NDUFA5: variants seen among roughly 807,000 people sequenced by gnomAD.
NDUFA5 encodes NADH dehydrogenase [ubiquinone] 1 alpha subcomplex subunit 5.
NDUFA5 carries 11 observed loss-of-function variants against 19.8 expected under a neutral mutation model. That is an observed-to-expected ratio of 0.56 (90% CI 0.35 to 0.92). NDUFA5 has a LOEUF of 0.92. Among genes scored for constraint, NDUFA5 ranks in the 40% least tolerant of loss-of-function variants. The pLI is 0.01. For missense variants in NDUFA5, 109 were observed against 134.2 expected (o/e 0.81, Z 0.93); for synonymous variants, 47 against 46.8 (o/e 1.00, Z -0.01).
intron 2 of NDUFA5, chr7:123,557,089 C>A: frequency 1.7e-6 from 1 of 579,556 alleles, no homozygotes; most frequent in Non-Finnish European, 3.2e-6. Context: ...AACGGTAAGG[C>A]AAGGAGAAAA....
the NDUFA5 span, among the ~76,000 whole-genome samples, chr7:123,587,361 T>C: frequency 6.6e-6 from 1 of 151,774 alleles, no homozygotes; most frequent in Non-Finnish European, 1.5e-5. Context: ...TGTTAGTGTA[T>C]AGAAATACTA....
the NDUFA5 span, among the ~76,000 whole-genome samples, chr7:123,564,612 T>TTG: frequency 1.4e-4 from 21 of 151,924 alleles, no homozygotes; most frequent in African/African-American, 5.1e-4. Context: ...ATATATCCTA[T>TTG]TGTGTGTGTG....
chr7:123,545,840 T>C (rs997390512), intron 3 of NDUFA5, 164 bp from the exon 4 acceptor site: 4 of 539,314 alleles, frequency 7.4e-6, no homozygotes, highest in Admixed American at 7.2e-5. Context: ...ACCTCTGCTA[T>C]TTCATTGCTT....
intron 1 of NDUFA5, 139 bp downstream of exon 1, chr7:123,557,635 CG>C (rs1798611831): frequency 3.1e-6 from 5 of 1,613,664 alleles, no homozygotes; most frequent in Non-Finnish European, 3.4e-6. Flanking sequence ...CTGCCCTACC[CG>C]GTAAGGCATG....
chr7:123,556,879 A>G lies in NDUFA5; in HGVS notation c.66+525T>C, dbSNP rs539614701. On this transcript the variant is annotated intron_variant, in intron 2 of 4. Transcript: ENST00000355749. ...GAATAAGAAAGAAATTGGAGAAAAT[A>G]GAGATAACTCTTTTGAGTTATCTGT... is the stretch of plus-strand genomic sequence containing the variant. 1.5e-4 allele frequency: 75 copies of G among 514,582 alleles called. No individual in the cohort carries two copies. The East Asian group carries it at 1.9e-3, about 13-fold the overall frequency. The allele number at this position is 514,582 out of a possible 1,614,324, so 31.9% of individuals were successfully genotyped here.
At chr7:123,551,591 A>T (rs1798343269) in intron 2 of NDUFA5, 1 of 710,592 alleles carries the variant, frequency 1.4e-6, no homozygotes, top group African/African-American at 2.0e-5. Context: ...AGAAATAAAC[A>T]CATATAATCA....
the NDUFA5 span, among the ~76,000 whole-genome samples, chr7:123,579,305 A>T: frequency 5.9e-5 from 9 of 152,042 alleles, no homozygotes; most frequent in Non-Finnish European, 1.0e-4. Context: ...AATTGGGAAA[A>T]TTTTAGATAA....
At chr7:123,597,090 C>A in the NDUFA5 span, among the ~76,000 whole-genome samples, 3 of 152,110 alleles carry the variant, frequency 2.0e-5, no homozygotes, top group Non-Finnish European at 4.4e-5. Context: ...TTACCCTAGT[C>A]AAAAAATATT....
At chr7:123,570,315 C>A in the NDUFA5 span, among the ~76,000 whole-genome samples, 4 of 151,992 alleles carry the variant, frequency 2.6e-5, no homozygotes, top group Non-Finnish European at 5.9e-5. Context: ...GGATTACAGG[C>A]GTGAGCCACC....
intron 2 of NDUFA5, chr7:123,555,411 A>G (rs1484709107): frequency 6.6e-6 from 1 of 152,236 alleles, no homozygotes; most frequent in Admixed American, 6.5e-5. Context: ...CAGACTGGAG[A>G]GCTGTTATAG....
the NDUFA5 span, among the ~76,000 whole-genome samples, chr7:123,563,778 C>A: frequency 6.6e-6 from 1 of 152,206 alleles, no homozygotes; most frequent in African/African-American, 2.4e-5. Flanking sequence ...GCCAGTAGAC[C>A]TACAGGAGGC....
the NDUFA5 span, among the ~76,000 whole-genome samples, chr7:123,601,093 T>C: frequency 6.6e-6 from 1 of 152,160 alleles, no homozygotes; most frequent in Non-Finnish European, 1.5e-5. Flanking sequence ...GATGGCTTTG[T>C]GAGTGCCGAT....
At chr7:123,568,834 T>C in the NDUFA5 span, among the ~76,000 whole-genome samples, 3 of 152,136 alleles carry the variant, frequency 2.0e-5, no homozygotes, top group Non-Finnish European at 4.4e-5. Context: ...ATAATTTAGA[T>C]ATAGAATGAG....
the NDUFA5 span, among the ~76,000 whole-genome samples, chr7:123,577,004 C>G: frequency 6.6e-6 from 1 of 152,152 alleles, no homozygotes; most frequent in African/African-American, 2.4e-5. Context: ...AACAAGAAGA[C>G]TTCCTGTTAT....
the NDUFA5 span, among the ~76,000 whole-genome samples, chr7:123,571,953 A>T: frequency 3.3e-5 from 5 of 151,538 alleles, no homozygotes; most frequent in Admixed American, 3.3e-4. Flanking sequence ...TAATGTTTTT[A>T]TAGAGATGGA....
upstream of NDUFA5, among the ~76,000 whole-genome samples, chr7:123,561,876 G>A (rs1209411177): frequency 6.6e-6 from 1 of 151,170 alleles, no homozygotes; most frequent in Non-Finnish European, 1.5e-5. Flanking sequence ...GATTACAAGC[G>A]TGGCCACCGC....
rs1378981467 is a variant in NDUFA5, at chr7:123,541,328, G to GA, written c.*790dup. 6.6e-6 allele frequency: 1 copy of GA among 152,188 alleles called. No individual in the cohort carries two copies. Among genetic ancestry groups the GA allele is most frequent in the Admixed American group, 6.5e-5 (1 of 15,280 alleles). 9.4% of individuals were successfully genotyped at this position (152,188 alleles called of 1,614,324 possible). A position where few individuals can be genotyped will look rare whatever the true frequency, so the allele number is the denominator to read the frequency against. The stretch of plus-strand genomic sequence containing the variant: ...TAAGAAAATTAAAGGCCACGGGCCA[G>GA]AAAACTAACTTCCACAAATGCAACA... On this transcript the variant is annotated 3_prime_UTR_variant, in exon 5 of 5. Coordinates refer to ENST00000355749, the MANE Select transcript of NDUFA5 (RefSeq NM_005000.5).
chr7:123,577,340 G>A, the NDUFA5 span, among the ~76,000 whole-genome samples: 22 of 152,254 alleles, frequency 1.4e-4, no homozygotes, highest in African/African-American at 4.8e-4. Context: ...ACTGTCACTT[G>A]TCTTGAACAA....
At chr7:123,566,348 C>T in the NDUFA5 span, among the ~76,000 whole-genome samples, 1 of 152,182 alleles carries the variant, frequency 6.6e-6, no homozygotes. Context: ...GACCTCTAGC[C>T]TCCAGAATTG....
Sources: allele counts gnomAD v4.1 joint callset (sites outside exome capture counted in the v4.1 genomes callset), GRCh38; gene constraint gnomAD v4.1.1; transcripts MANE v1.5; gene names NCBI Gene and HGNC (gene_info 2026-07-23, HGNC 2026-07-21).